MTMR2: variants seen among roughly 807,000 people sequenced by gnomAD.
MTMR2 encodes the protein myotubularin related protein 2, also known as phosphatidylinositol-3,5-bisphosphate 3-phosphatase MTMR2.
In MTMR2, 55 loss-of-function variants were observed where a neutral mutation model predicts 86.9. That is an observed-to-expected ratio of 0.63 (90% CI 0.51 to 0.79). The LOEUF (loss-of-function observed/expected upper bound fraction) is 0.79. Among genes scored for constraint, MTMR2 ranks in the 30% least tolerant of loss-of-function variants. The pLI is 0.00. For missense variants in MTMR2, 659 were observed against 772.3 expected (o/e 0.85, Z 1.74); for synonymous variants, 241 against 266.8 (o/e 0.90, Z 0.94).
At chr11:95,857,683 G>A in intron 6 of MTMR2, 48 bp from the exon 7 acceptor site, 1 of 1,256,072 alleles carries the variant, frequency 8.0e-7, no homozygotes, top group Non-Finnish European at 1.2e-6. Context: ...TATTCACAAA[G>A]GTAATGAATC....
At chr11:95,912,453 C>T (rs1287555327) in intron 1 of MTMR2, among the ~76,000 whole-genome samples, 2 of 151,206 alleles carry the variant, frequency 1.3e-5, no homozygotes, top group East Asian at 1.9e-4. Flanking sequence ...TTTAAAATGA[C>T]GTTTTTTAAA....
At chr11:95,913,698 G>A (rs1866593748) in intron 1 of MTMR2, among the ~76,000 whole-genome samples, 1 of 152,050 alleles carries the variant, frequency 6.6e-6, no homozygotes, top group Non-Finnish European at 1.5e-5. Flanking sequence ...CTAGCACAGT[G>A]TGTAAGGCAC....
intron 1 of MTMR2, among the ~76,000 whole-genome samples, chr11:95,900,548 G>A (rs564084395): frequency 1.6e-4 from 24 of 152,172 alleles, no homozygotes; most frequent in African/African-American, 3.6e-4. Flanking sequence ...ATGGAGGCAC[G>A]GACTGCCTCA....
At chr11:95,873,650 T>C (rs954857784) in intron 2 of MTMR2, among the ~76,000 whole-genome samples, 2 of 151,186 alleles carry the variant, frequency 1.3e-5, no homozygotes, top group African/African-American at 4.9e-5. Flanking sequence ...CTTTTGAATG[T>C]TTGCTCTTGC....
In MTMR2 at chr11:95,835,432, T is replaced by C. The variant is rs1162654666; in HGVS notation, c.1790A>G (p.Tyr597Cys). ...MKPQEPIHNRYKELLAKRAEL... is the reference protein window; with the variant it reads ...MKPQEPIHNRCKELLAKRAEL... ...TGCTCGTTTAGCAAGAAGTTCTTTG[T>C]ATCTGTTGTGAATAGGTTCCTGCAA... Residue 597 changes from tyrosine (Y) to cysteine (C), a missense_variant, in exon 15 of 15, where the codon TAC becomes TGC. Physicochemically the swap from Tyr to Cys is radical, Grantham distance 194. Around this residue, in one of 3 missense-constraint regions of MTMR2, gnomAD observed 193 missense variants for 191.6 expected, o/e 1.01. Transcript: ENST00000346299. 5.0e-6 allele frequency: 8 copies of C among 1,612,856 alleles called. No homozygotes were observed. The highest frequency in any genetic ancestry group is 6.8e-6 in the Non-Finnish European group (8 of 1,179,216).
At chr11:95,894,000 T>G (rs1865798983) in intron 1 of MTMR2, among the ~76,000 whole-genome samples, 2 of 152,112 alleles carry the variant, frequency 1.3e-5, no homozygotes, top group South Asian at 2.1e-4. Context: ...CCAAAACCCC[T>G]CAGCATAACA....
At position 95,838,984 on chromosome 11, in the gene MTMR2, T is replaced by C. The variant is rs151096397; in HGVS notation, c.1480-777A>G. On this transcript the variant is annotated intron_variant, in intron 12 of 14. Coordinates refer to ENST00000346299, the MANE Select transcript of MTMR2 (RefSeq NM_016156.6). The stretch of plus-strand genomic sequence containing the variant: ...CTTCTATGTAAGATTCTACCAATTA[T>C]AGGGCTGTACGTGATAAGAAATTAT... 5.4e-4 allele frequency among the ~76,000 whole-genome samples: 82 copies of C among 152,174 alleles called. 2 individuals carry two copies. The East Asian group carries it at 0.014, about 26-fold the overall frequency.
Position 95,923,965 on chromosome 11 carries a change from G to GGGCA in MTMR2, c.-15_-12dup. 3 of 1,555,336 alleles carry GGGCA rather than the reference G, an allele frequency of 1.9e-6. No individual in the cohort carries two copies. The highest frequency in any genetic ancestry group is 2.6e-6 in the Non-Finnish European group (3 of 1,149,164). ...CGAGCTCTTCTCCATCGCGCGGCAG[G>GGGCA]GGCAGCACAGGGAAAGGCTGAAGCA... On this transcript the variant is annotated 5_prime_UTR_variant, in exon 1 of 15. Transcript: ENST00000346299.
intron 1 of MTMR2, among the ~76,000 whole-genome samples, chr11:95,901,832 G>A (rs1009966171): frequency 6.6e-6 from 1 of 151,966 alleles, no homozygotes; most frequent in Non-Finnish European, 1.5e-5. Flanking sequence ...AACTGGATTT[G>A]GAAACAGGTT....
At chr11:95,845,723 A>G (rs1361944979) in intron 10 of MTMR2, among the ~76,000 whole-genome samples, 3 of 152,110 alleles carry the variant, frequency 2.0e-5, no homozygotes, top group Admixed American at 6.6e-5. Context: ...GAAAATTCAC[A>G]GAATATGTCA....
At chr11:95,867,870 A>G (rs1174197697) in intron 2 of MTMR2, among the ~76,000 whole-genome samples, 3 of 152,202 alleles carry the variant, frequency 2.0e-5, no homozygotes, top group African/African-American at 4.8e-5. Context: ...GAAACTTTAA[A>G]AAAGAAAGCA....
At chr11:95,845,210 C>T in intron 10 of MTMR2, 51 bp from the exon 11 acceptor site, 1 of 1,475,264 alleles carries the variant, frequency 6.8e-7, no homozygotes, top group Non-Finnish European at 9.4e-7. Context: ...TAAATACTTC[C>T]TTCTTCAAAA....
At chr11:95,878,505 G>A (rs1268526936) in intron 2 of MTMR2, among the ~76,000 whole-genome samples, 1 of 151,852 alleles carries the variant, frequency 6.6e-6, no homozygotes, top group Non-Finnish European at 1.5e-5. Flanking sequence ...CACCACACAA[G>A]GTACAGTCAA....
intron 2 of MTMR2, among the ~76,000 whole-genome samples, chr11:95,868,205 A>C (rs1335580580): frequency 2.1e-5 from 3 of 145,954 alleles, no homozygotes; most frequent in South Asian, 2.2e-4. Context: ...CCCAGAAGTC[A>C]AGGCTTCAGT....
intron 9 of MTMR2, among the ~76,000 whole-genome samples, chr11:95,848,693 T>A (rs907558912): frequency 6.6e-6 from 1 of 152,124 alleles, no homozygotes; most frequent in East Asian, 1.9e-4. Flanking sequence ...TATACAAAAT[T>A]AAGTGATTAT....
chr11:95,891,449 CA>C (rs35505103), intron 1 of MTMR2, among the ~76,000 whole-genome samples: 144 of 137,394 alleles, frequency 1.0e-3, no homozygotes, highest in Admixed American at 1.0e-3. Context: ...AGACTCTCAC[CA>C]AAAAAAAAAA....
intron 13 of MTMR2, 25 bp from the exon 14 acceptor site, chr11:95,836,349 G>C: frequency 1.3e-6 from 2 of 1,576,314 alleles, no homozygotes; most frequent in Non-Finnish European, 1.7e-6. Context: ...AATAGGTAAA[G>C]ATTCTCCACC....
chr11:95,885,786 G>T (rs1249610032), intron 2 of MTMR2, among the ~76,000 whole-genome samples: 9 of 151,958 alleles, frequency 5.9e-5, no homozygotes, highest in African/African-American at 2.2e-4. Context: ...TGTGGGTGGG[G>T]GAGGGGCTCA....
At position 95,862,180 on chromosome 11, in the gene MTMR2, A is replaced by G. The variant is rs150185868; in HGVS notation, c.358-78T>C. On this transcript the variant is annotated intron_variant, in intron 4 of 14. Transcript: ENST00000346299. ...TATAGAGCTGATCAAAATCTTAATC[A>G]GAAATGCTTTAATTAGAAATGATCA... The G allele has an allele frequency of 5.1e-4, 787 of 1,529,842 alleles. 5 individuals carry two copies. The African/African-American group carries it at 9.1e-3, about 18-fold the overall frequency. 94.8% of individuals were successfully genotyped at this position (1,529,842 alleles called of 1,614,324 possible).
Sources: allele counts gnomAD v4.1 joint callset (sites outside exome capture counted in the v4.1 genomes callset), GRCh38; gene constraint gnomAD v4.1.1; regional missense constraint gnomAD v4.1.1; transcripts MANE v1.5; gene names NCBI Gene and HGNC (gene_info 2026-07-23, HGNC 2026-07-21).